IL4I1: variants seen among roughly 807,000 people sequenced by gnomAD.
IL4I1 encodes L-amino-acid oxidase.
In IL4I1, 24 loss-of-function variants were observed where a neutral mutation model predicts 29.7. The ratio of observed to expected loss-of-function variants is 0.81; its 90% CI spans 0.59 to 1.14. The LOEUF is 1.14. Among genes scored for constraint, IL4I1 ranks in the 50% most tolerant of loss-of-function variants. The pLI, the probability that IL4I1 is intolerant of heterozygous loss-of-function variation, is 0.00. For missense variants in IL4I1, 686 were observed against 785.6 expected, an observed-to-expected ratio of 0.87 and a Z score of 1.52; for synonymous variants, 371 against 352.5, an observed-to-expected ratio of 1.05 and a Z score of -0.59.
At chr19:49,920,571 G>A (rs1334422057) in intron 2 of IL4I1, among the ~76,000 whole-genome samples, 3 of 152,218 alleles carry the variant, frequency 2.0e-5, no homozygotes, top group African/African-American at 7.2e-5. Flanking sequence ...GGAAGGGGTT[G>A]AGAGGCCTCC....
At chr19:49,892,334 G>A (rs1169750491) in intron 5 of IL4I1, among the ~76,000 whole-genome samples, 5 of 151,918 alleles carry the variant, frequency 3.3e-5, no homozygotes, top group African/African-American at 4.8e-5. Context: ...TGCCTGCCTC[G>A]GCCTCCCAAA....
intron 2 of IL4I1, chr19:49,908,244 C>T: frequency 1.2e-6 from 2 of 1,613,180 alleles, no homozygotes; most frequent in Non-Finnish European, 1.7e-6. Flanking sequence ...GTCGCTCAGT[C>T]AAAGGTGATC....
chr19:49,893,009 T>A (rs557710352), intron 5 of IL4I1, among the ~76,000 whole-genome samples: 1 of 152,142 alleles, frequency 6.6e-6, no homozygotes, highest in South Asian at 2.1e-4. Flanking sequence ...GGGAGGGTGA[T>A]ACACAGGTAT....
intron 2 of IL4I1, among the ~76,000 whole-genome samples, chr19:49,925,306 G>C (rs2075860184): frequency 6.6e-6 from 1 of 151,818 alleles, no homozygotes; most frequent in Non-Finnish European, 1.5e-5. Context: ...AAAAAACCCA[G>C]GCCGGGCACA....
intron 2 of IL4I1, among the ~76,000 whole-genome samples, chr19:49,912,166 C>CTTTT (rs60350799): frequency 1.2e-4 from 14 of 115,486 alleles, no homozygotes; most frequent in Non-Finnish European, 1.4e-4. Context: ...AACAGTTCAC[C>CTTTT]TTTTTTTTTT....
chr19:49,908,944 G>A lies in IL4I1; in HGVS notation c.-227-4623C>T, dbSNP rs367743600. ...GTGGTTTTAAATTCAAGGCAAAGCC[G>A]GTGGTGCTGCTGCTGCTGGTGGTGG... On this transcript the variant is annotated intron_variant, in intron 2 of 9. Transcript: ENST00000341114. 30 of 1,609,236 alleles carry A rather than the reference G, an allele frequency of 1.9e-5. No homozygotes were observed. The highest frequency in any genetic ancestry group is 6.7e-5 in the African/African-American group (5 of 74,780).
chr19:49,927,339 A>C (rs2075922631), intron 2 of IL4I1, among the ~76,000 whole-genome samples: 1 of 152,160 alleles, frequency 6.6e-6, no homozygotes, highest in Non-Finnish European at 1.5e-5. Context: ...GGCCACATTG[A>C]AGAATTGTCT....
At chr19:49,918,818 A>T (rs1427637745) in intron 2 of IL4I1, among the ~76,000 whole-genome samples, 1 of 144,576 alleles carries the variant, frequency 6.9e-6, no homozygotes, top group Non-Finnish European at 1.5e-5. Flanking sequence ...ACCCAGTGAC[A>T]TTGGTGGGCA....
intron 4 of IL4I1, 28 bp downstream of exon 4, chr19:49,895,040 C>G (rs370288888): frequency 7.0e-6 from 11 of 1,569,412 alleles, no homozygotes; most frequent in Non-Finnish European, 9.6e-6. Context: ...TGAGTCTAGG[C>G]ACACAGGTGG....
intron 2 of IL4I1, among the ~76,000 whole-genome samples, chr19:49,916,083 G>C (rs1244650825): frequency 6.6e-6 from 1 of 152,200 alleles, no homozygotes; most frequent in African/African-American, 2.4e-5. Flanking sequence ...GCAGCACACC[G>C]AGCCCTTCCT....
At chr19:49,920,939 AG>A (rs1421137710) in intron 2 of IL4I1, among the ~76,000 whole-genome samples, 2 of 152,280 alleles carry the variant, frequency 1.3e-5, no homozygotes, top group East Asian at 3.9e-4. Flanking sequence ...GAAGGAGGGA[AG>A]GGCCCAGGCC....
chr19:49,925,642 T>C (rs563763648), intron 2 of IL4I1, among the ~76,000 whole-genome samples: 2 of 152,208 alleles, frequency 1.3e-5, no homozygotes, highest in African/African-American at 4.8e-5. Context: ...CCATGATGCC[T>C]AAATATAACG....
chr19:49,929,217 C>G lies in IL4I1; in HGVS notation c.-350+109G>C, dbSNP rs764419529. Reference sequence around the variant, plus strand: ...CCGGGGCCGCCTCATTCCCTGTCCTCGGATCACAGTCTCTTCTCACTACAG... The same window carrying G: ...CCGGGGCCGCCTCATTCCCTGTCCTGGGATCACAGTCTCTTCTCACTACAG... On this transcript the variant is annotated intron_variant, in intron 1 of 9. Transcript: ENST00000341114. 5 of 152,778 alleles carry G rather than the reference C, an allele frequency of 3.3e-5. No homozygotes were observed. In the East Asian group the frequency reaches 9.6e-4, roughly 29 times the overall value. The allele number at this position is 152,778 out of a possible 1,614,324, so 9.5% of individuals were successfully genotyped here. A position where few individuals can be genotyped will look rare whatever the true frequency, so the allele number is the denominator to read the frequency against.
intron 2 of IL4I1, among the ~76,000 whole-genome samples, chr19:49,906,209 CAT>C (rs66517952): frequency 0.14 from 21,129 of 151,972 alleles, 1,903 homozygotes; most frequent in Non-Finnish European, 0.21. Flanking sequence ...GATGACTTAA[CAT>C]GTGTGTATAT....
At chr19:49,907,399 C>A (rs1342676722) in intron 2 of IL4I1, 3 of 381,778 alleles carry the variant, frequency 7.9e-6, no homozygotes, top group African/African-American at 2.2e-5. Context: ...GGCCCCTCAG[C>A]TGACCTGTCT....
At chr19:49,916,499 C>A (rs1438967933) in intron 2 of IL4I1, among the ~76,000 whole-genome samples, 2 of 150,710 alleles carry the variant, frequency 1.3e-5, no homozygotes, top group Non-Finnish European at 3.0e-5. Context: ...TTAGGCCAGG[C>A]GCGGTGGCTC....
chr19:49,898,062 T>C (rs2075234183), upstream of IL4I1, among the ~76,000 whole-genome samples: 1 of 152,262 alleles, frequency 6.6e-6, no homozygotes, highest in Non-Finnish European at 1.5e-5. Flanking sequence ...GGCTCACGCC[T>C]ATAATCCCAG....
intron 2 of IL4I1, among the ~76,000 whole-genome samples, chr19:49,913,446 C>T (rs1393650609): frequency 6.6e-6 from 1 of 152,208 alleles, no homozygotes; most frequent in East Asian, 1.9e-4. Flanking sequence ...TTGGGTCATA[C>T]AGTATCAGCA....
At chr19:49,894,131 T>C (rs1690618164) in intron 5 of IL4I1, 137 bp downstream of exon 5, 2 of 769,778 alleles carry the variant, frequency 2.6e-6, no homozygotes, top group East Asian at 2.7e-5. Flanking sequence ...CTTGGTAGAA[T>C]TTCCATCTCC....
Sources: gnomAD v4.1 joint callset for allele counts (sites outside exome capture counted in the v4.1 genomes callset) on GRCh38, gnomAD v4.1.1 for gene constraint, MANE v1.5 for transcripts, NCBI Gene and HGNC (gene_info 2026-07-23, HGNC 2026-07-21) for gene names.